GNPAT: variants seen among roughly 807,000 people sequenced by gnomAD.
The protein encoded by GNPAT is dihydroxyacetone phosphate acyltransferase.
A neutral mutation model predicts 78.4 loss-of-function variants in GNPAT; 30 were observed. The ratio of observed to expected loss-of-function variants is 0.38; its 90% CI spans 0.29 to 0.52. The LOEUF is 0.52. Ranked by LOEUF, GNPAT falls within the 20% of genes least tolerant of loss-of-function variation. The pLI is 0.84. For synonymous variants in GNPAT, 271 were observed against 281.1 expected (o/e 0.96, Z 0.36); for missense variants, 714 against 812.2 (o/e 0.88, Z 1.47).
At chr1:231,254,075 A>C (rs116657306) in intron 2 of GNPAT, among the ~76,000 whole-genome samples, 1,911 of 152,280 alleles carry the variant, frequency 0.013, 18 homozygotes, top group Non-Finnish European at 0.022. Flanking sequence ...GGCCTCCCAA[A>C]GTGCTGGATT....
intron 9 of GNPAT, among the ~76,000 whole-genome samples, chr1:231,268,468 G>A (rs907681813): frequency 6.6e-6 from 1 of 151,914 alleles, no homozygotes; most frequent in African/African-American, 2.4e-5. Flanking sequence ...CACCTAGTAC[G>A]GTGGAAAATA....
chr1:231,274,503 G>T (rs1685656498), intron 12 of GNPAT, among the ~76,000 whole-genome samples: 1 of 152,238 alleles, frequency 6.6e-6, no homozygotes, highest in African/African-American at 2.4e-5. Context: ...AAAAGTTCAA[G>T]TGCAAGTTCT....
rs375063583 is a variant in GNPAT, at chr1:231,270,852, C to A, written c.1374C>A (p.Asp458Glu). ...AAGACCAGGTGATTCTGAAAGTGGA[C>A]TCCGGAGACTCGGAAGTGGTCGATG... is the stretch of plus-strand genomic sequence containing the variant. ...LVKDQVILKVDSGDSEVVDGL... is the reference protein window; with the variant it reads ...LVKDQVILKVESGDSEVVDGL... The change falls in exon 10 of 16, where the codon GAC (aspartate) becomes GAA (glutamate). Residue 458 changes from aspartate (D) to glutamate (E), a missense_variant. Physicochemically the swap from Asp to Glu is conservative, Grantham distance 45 (BLOSUM62 2). Coordinates refer to ENST00000366647, the MANE Select transcript of GNPAT (RefSeq NM_014236.4). The A allele has an allele frequency of 2.5e-6, 4 of 1,614,114 alleles. No individual in the cohort carries two copies. In the East Asian group the frequency reaches 8.9e-5, roughly 36 times the overall value.
At position 231,250,953 on chromosome 1, in the gene GNPAT, A is replaced by T. The variant is rs368404919; in HGVS notation, c.79-8A>T. On this transcript the variant is annotated splice_polypyrimidine_tract_variant and splice_region_variant and intron_variant, in intron 1 of 15. Transcript: ENST00000366647. ...TATGTGCTCATTACTTTCTTGCCTTATCCACAGAAGGAGCTCAAAAAGTGG... is the reference window on the plus strand; with the variant it reads ...TATGTGCTCATTACTTTCTTGCCTTTTCCACAGAAGGAGCTCAAAAAGTGG... 1 of 1,584,648 alleles carries T rather than the reference A, an allele frequency of 6.3e-7. No individual in the cohort carries two copies. Among genetic ancestry groups the T allele is most frequent in the Admixed American group, 1.7e-5 (1 of 59,998 alleles).
At chr1:231,265,537 T>C (rs1283675244) in intron 5 of GNPAT, 117 bp downstream of exon 5, 5 of 969,406 alleles carry the variant, frequency 5.2e-6, no homozygotes, top group African/African-American at 4.8e-5. Flanking sequence ...CCTCAAGAAC[T>C]GCTTATAACC....
chr1:231,245,926 GCCATTGCACT>G (rs1684734929), intron 1 of GNPAT, among the ~76,000 whole-genome samples: 1 of 151,908 alleles, frequency 6.6e-6, no homozygotes, highest in Non-Finnish European at 1.5e-5. Flanking sequence ...CCGAGATTGC[GCCATTGCACT>G]CCAGCCTGGG....
intron 1 of GNPAT, among the ~76,000 whole-genome samples, chr1:231,247,298 A>C (rs990967722): frequency 2.0e-5 from 3 of 152,158 alleles, no homozygotes; most frequent in Admixed American, 6.5e-5. Flanking sequence ...TTATTTTTTC[A>C]TTCTACAGTG....
intron 2 of GNPAT, among the ~76,000 whole-genome samples, chr1:231,259,928 C>T (rs1685177291): frequency 6.6e-6 from 1 of 152,210 alleles, no homozygotes; most frequent in Non-Finnish European, 1.5e-5. Context: ...CCTTGACAGT[C>T]CCAGCACACA....
rs757484571 is a variant in GNPAT at position 231,265,395 on chromosome 1, C to T, written c.671C>T (p.Ser224Phe). Residue 224 changes from serine to phenylalanine, a missense_variant, in exon 5 of 16, where the codon TCT becomes TTT. Physicochemically the swap from Ser to Phe is radical, Grantham distance 155. Coordinates refer to ENST00000366647, the MANE Select transcript of GNPAT (RefSeq NM_014236.4). Reference protein sequence around the residue: ...GGNKLYWAVFSEYVKTMLRNG... With the variant: ...GGNKLYWAVFFEYVKTMLRNG... ...AATAAACTCTACTGGGCTGTATTCT[C>T]TGAATATGTAAAAACTATGTTACGG... 2 of 1,609,538 alleles carry T rather than the reference C, an allele frequency of 1.2e-6. No individual in the cohort carries two copies. Among genetic ancestry groups the T allele is most frequent in the East Asian group, 2.2e-5 (1 of 44,862 alleles).
intron 9 of GNPAT, chr1:231,269,831 C>A (rs1037047505): frequency 6.6e-6 from 1 of 152,182 alleles, no homozygotes; most frequent in Non-Finnish European, 1.5e-5. Context: ...AGTGTCACTA[C>A]AGTTCTGTTC....
chr1:231,244,190 A>G (rs536441634), intron 1 of GNPAT, among the ~76,000 whole-genome samples: 20 of 152,126 alleles, frequency 1.3e-4, no homozygotes, highest in Admixed American at 5.9e-4. Flanking sequence ...ATATTTTTGA[A>G]AGTCTGAGAA....
At chr1:231,242,395 A>G (rs940977283) in intron 1 of GNPAT, among the ~76,000 whole-genome samples, 2 of 152,246 alleles carry the variant, frequency 1.3e-5, no homozygotes, top group African/African-American at 4.8e-5. Flanking sequence ...CAGCAGAGCA[A>G]GATAAACACC....
chr1:231,259,114 TCAGTC>T (rs933881914), intron 2 of GNPAT, among the ~76,000 whole-genome samples: 20 of 152,200 alleles, frequency 1.3e-4, no homozygotes, highest in African/African-American at 4.8e-4. Context: ...CATTTAGTCT[TCAGTC>T]CATTCAGTAT....
chr1:231,272,176 G>A (rs878992077), intron 10 of GNPAT, 136 bp from the exon 11 acceptor site: 10 of 656,308 alleles, frequency 1.5e-5, no homozygotes, highest in South Asian at 1.4e-4. Context: ...GCTTCCCTCA[G>A]GGGACTTAAT....
chr1:231,265,554 A>G (rs1409249623), intron 5 of GNPAT, 134 bp downstream of exon 5: 1 of 908,806 alleles, frequency 1.1e-6, no homozygotes, highest in Non-Finnish European at 1.8e-6. Flanking sequence ...AACCTCAGCA[A>G]TTGGTTTAAT....
At chr1:231,260,029 T>G (rs777240218) in intron 2 of GNPAT, among the ~76,000 whole-genome samples, 2 of 152,248 alleles carry the variant, frequency 1.3e-5, no homozygotes, top group African/African-American at 2.4e-5. Flanking sequence ...CTAATTATCC[T>G]TTGATAGCTT....
At chr1:231,242,482 T>C (rs997429884) in intron 1 of GNPAT, among the ~76,000 whole-genome samples, 5 of 152,216 alleles carry the variant, frequency 3.3e-5, no homozygotes, top group African/African-American at 4.8e-5. Context: ...AAACTTCTGT[T>C]CCCTCTCTAT....
chr1:231,244,013 A>T (rs1432108894), intron 1 of GNPAT, among the ~76,000 whole-genome samples: 2 of 151,858 alleles, frequency 1.3e-5, no homozygotes. Context: ...GGTTCAAGAG[A>T]TTCTCCTGTC....
intron 2 of GNPAT, among the ~76,000 whole-genome samples, chr1:231,256,727 C>G (rs879894641): frequency 6.6e-6 from 1 of 152,034 alleles, no homozygotes; most frequent in Admixed American, 6.6e-5. Flanking sequence ...ACCTCGTGAT[C>G]CGCCCGCCTC....
Sources: gnomAD v4.1 joint callset for allele counts (sites outside exome capture counted in the v4.1 genomes callset) on GRCh38, gnomAD v4.1.1 for gene constraint, MANE v1.5 for transcripts, NCBI Gene and HGNC (gene_info 2026-07-23, HGNC 2026-07-21) for gene names.